Variants in FLT4 observed in about 807,000 individuals in gnomAD.
FLT4 encodes vascular endothelial growth factor receptor 3.
Under a neutral mutation model 163.2 loss-of-function variants are expected in FLT4, and 30 were observed. The observed-to-expected ratio is 0.18, with a 90% confidence interval of 0.14 to 0.25. FLT4 has a LOEUF of 0.25. Ranked by LOEUF, FLT4 falls within the 10% of genes least tolerant of loss-of-function variation. The pLI, the probability that FLT4 is intolerant of heterozygous loss-of-function variation, is 1.00. For synonymous variants in FLT4, 884 were observed against 789.5 expected, an observed-to-expected ratio of 1.12 and a Z score of -2.01; for missense variants, 1,510 against 1,863.8, an observed-to-expected ratio of 0.81 and a Z score of 3.50.
At position 180,630,681 on chromosome 5, in the gene FLT4, A is replaced by G. The variant is rs759909949; in HGVS notation, c.274T>C (p.Tyr92His). 4.3e-6 allele frequency: 7 copies of G among 1,613,058 alleles called. No homozygotes were observed. The highest frequency in any genetic ancestry group is 5.9e-6 in the Non-Finnish European group (7 of 1,179,986). ...RDCEGTDARPYCKVLLLHEVH... is the reference protein window; with the variant it reads ...RDCEGTDARPHCKVLLLHEVH... The stretch of plus-strand genomic sequence containing the variant: ...TCGTGCAGCAGCAACACCTTGCAGT[A>G]GGGCCTGGCGTCTGTGCCCTCGCAG... The change falls in exon 3 of 30, where the codon TAC (tyrosine) becomes CAC (histidine). Residue 92 changes from tyrosine (Y) to histidine (H), a missense_variant. Physicochemically the swap from Tyr to His is moderately conservative, Grantham distance 83. This residue lies in a region of FLT4 where 157 missense variants were observed against 178.7 expected (regional missense o/e 0.88). Transcript: ENST00000261937. The surrounding 1 kb of genome is among the most constrained non-coding windows in gnomAD (Gnocchi z 6.3).
rs750478566 is a variant in FLT4, at chr5:180,636,716, G to A, written c.59-4938C>T. Among the ~76,000 whole-genome samples the A allele has an allele frequency of 1.3e-5, 2 of 152,006 alleles. No homozygotes were observed. The highest frequency in any genetic ancestry group is 6.6e-5 in the Admixed American group (1 of 15,262). ...CTGGACCTGGTCATCACCAGAGACC[G>A]CGCCATCCCGGAACACCTGTCTTCT... is the stretch of plus-strand genomic sequence containing the variant. On this transcript the variant is annotated intron_variant, in intron 1 of 29. Transcript: ENST00000261937. This position sits in a 1 kb window ranked among gnomAD's most constrained non-coding sequence, Gnocchi z 4.3.
Position 180,642,818 on chromosome 5 carries a change from T to A in FLT4, c.58+6670A>T, listed in dbSNP as rs949713929. On this transcript the variant is annotated intron_variant, in intron 1 of 29. Transcript: ENST00000261937. ...ACCCACACAGTAATGATAAACAGCA[T>A]CCATACACCGATGGCAAATTCTCCA... Among the ~76,000 whole-genome samples, 6 of 152,144 alleles carry A rather than the reference T, an allele frequency of 3.9e-5. No homozygotes were observed. In the South Asian group the frequency reaches 6.2e-4, roughly 16 times the overall value.
In FLT4 at chr5:180,636,273, G is replaced by C. The variant is rs571818903; in HGVS notation, c.59-4495C>G. ...ACCAACCTTCCACTGTGCCCTGTGT[G>C]ATCGGCAAACTTTGCTGTAGACCTC... On this transcript the variant is annotated intron_variant, in intron 1 of 29. Transcript: ENST00000261937. This position sits in a 1 kb window ranked among gnomAD's most constrained non-coding sequence, Gnocchi z 4.3. 8.1e-4 allele frequency among the ~76,000 whole-genome samples: 124 copies of C among 152,178 alleles called. No individual in the cohort carries two copies. Among genetic ancestry groups the C allele is most frequent in the African/African-American group, 2.8e-3 (118 of 41,508 alleles).
intron 1 of FLT4, among the ~76,000 whole-genome samples, chr5:180,642,311 G>A (rs1765191396): frequency 6.6e-6 from 1 of 152,016 alleles, no homozygotes; most frequent in Non-Finnish European, 1.5e-5. Context: ...CTGTATCACT[G>A]TGACCCTGTG....
intron 1 of FLT4, among the ~76,000 whole-genome samples, chr5:180,645,250 G>A (rs895649550): frequency 2.6e-5 from 4 of 152,266 alleles, no homozygotes; most frequent in Non-Finnish European, 5.9e-5. Flanking sequence ...TGGACCTGCG[G>A]GGAGCGTGGG....
intron 10 of FLT4, 83 bp downstream of exon 10, chr5:180,625,779 GGCAGTGA>G: frequency 8.3e-7 from 1 of 1,208,182 alleles, no homozygotes. Context: ...GGAAGACCTG[GGCAGTGA>G]GGGGTGCTGT....
At chr5:180,642,172 A>T (rs1195452706) in intron 1 of FLT4, among the ~76,000 whole-genome samples, 1 of 149,412 alleles carries the variant, frequency 6.7e-6, no homozygotes, top group African/African-American at 2.5e-5. Context: ...GCGCCACTGC[A>T]CTCCAGCTTG....
In FLT4 at chr5:180,602,048, G is replaced by C. The variant is rs115707970; in HGVS notation, c.*1144C>G. 3,475 of 233,406 alleles carry C rather than the reference G, an allele frequency of 0.015. 122 individuals are homozygous for C. Among genetic ancestry groups the C allele is most frequent in the African/African-American group, 0.07 (3,161 of 45,452 alleles). The allele number at this position is 233,406 out of a possible 1,614,324, so 14.5% of individuals were successfully genotyped here. A position where few individuals can be genotyped will look rare whatever the true frequency, so the allele number is the denominator to read the frequency against. The stretch of plus-strand genomic sequence containing the variant: ...CCTCCAGCCTTCAGGGGATCTCTCG[G>C]CTGCTCCTCTGGGAGGGCGGCATTC... On this transcript the variant is annotated 3_prime_UTR_variant, in exon 30 of 30. Coordinates refer to ENST00000261937, the MANE Select transcript of FLT4 (RefSeq NM_182925.5).
Position 180,629,693 on chromosome 5 carries a change from C to T in FLT4, c.816+3G>A, listed in dbSNP as rs1261493611. On this transcript the variant is annotated splice_donor_region_variant and intron_variant, in intron 6 of 29. Transcript: ENST00000261937. ...GACAGCCTGGCAGCGCTGCTGACCTCACCTGCTTCCCTGGGTAGTCCCAGT... is the reference window on the plus strand; with the variant it reads ...GACAGCCTGGCAGCGCTGCTGACCTTACCTGCTTCCCTGGGTAGTCCCAGT... The T allele has an allele frequency of 1.2e-6, 2 of 1,610,710 alleles. No homozygotes were observed. Among genetic ancestry groups the T allele is most frequent in the South Asian group, 2.2e-5 (2 of 90,530 alleles).
In FLT4 at chr5:180,613,887, C is replaced by T. The variant is rs574807005; in HGVS notation, c.3331+181G>A. The T allele has an allele frequency of 8.1e-4, 548 of 673,456 alleles. 2 individuals are homozygous for T. In the African/African-American group the frequency reaches 8.5e-3, roughly 10 times the overall value. 41.7% of individuals were successfully genotyped at this position (673,456 alleles called of 1,614,324 possible). On this transcript the variant is annotated intron_variant, in intron 24 of 29. Transcript: ENST00000261937. ...GCCCACGTTGGAGGCAAAGTCCTCT[C>T]GGAGGCTGGGCCAGGCTGGGGAGAG...
chr5:180,637,314 C>T (rs1409529293), intron 1 of FLT4, among the ~76,000 whole-genome samples: 1 of 143,388 alleles, frequency 7.0e-6, no homozygotes, highest in African/African-American at 2.6e-5. Context: ...TGGGACAGAG[C>T]GAGACTCCGT....
intron 27 of FLT4, 55 bp from the exon 28 acceptor site, chr5:180,610,080 A>G (rs992445647): frequency 1.9e-6 from 3 of 1,611,100 alleles, no homozygotes; most frequent in Middle Eastern, 1.7e-4. Context: ...CCCTCCTCGA[A>G]CTTCTCTCCA....
chr5:180,643,613 G>A (rs1299556975), intron 1 of FLT4, among the ~76,000 whole-genome samples: 2 of 152,066 alleles, frequency 1.3e-5, no homozygotes, highest in Non-Finnish European at 1.5e-5. Flanking sequence ...GCTGCTTATG[G>A]ACAGAATCTG....
chr5:180,608,863 G>A (rs1761957393), intron 29 of FLT4, 105 bp downstream of exon 29: 20 of 1,016,672 alleles, frequency 2.0e-5, no homozygotes, highest in Non-Finnish European at 2.8e-5. Context: ...AGGGAGCCAC[G>A]AAAGGTTCCG....
chr5:180,616,052 C>CGCT (rs1172900182), intron 23 of FLT4, among the ~76,000 whole-genome samples: 4 of 4,830 alleles, frequency 8.3e-4, no homozygotes, highest in East Asian at 2.8e-3. Context: ...CTGGGCCTGC[C>CGCT]GGTCACCTCC....
Position 180,620,489 on chromosome 5 carries a change from C to G in FLT4, c.2406+120G>C. ...GAGCCCAGCGTGAAGGGCAGGGAGG[C>G]TTCCCAGGAAACAAGGCTGCCAGGT... On this transcript the variant is annotated intron_variant, in intron 16 of 29. Transcript: ENST00000261937. This position sits in a 1 kb window ranked among gnomAD's most constrained non-coding sequence, Gnocchi z 4.4. 1.7e-6 allele frequency: 2 copies of G among 1,186,378 alleles called. No individual in the cohort carries two copies. The highest frequency in any genetic ancestry group is 2.5e-5 in the South Asian group (2 of 79,468). 73.5% of individuals were successfully genotyped at this position (1,186,378 alleles called of 1,614,324 possible). A position where few individuals can be genotyped will look rare whatever the true frequency, so the allele number is the denominator to read the frequency against.
rs201376114 is a variant in FLT4, at chr5:180,639,189, GGACAGACA to G, written c.59-7419_59-7412del. Among the ~76,000 whole-genome samples the G allele has an allele frequency of 2.1e-5, 2 of 93,892 alleles. 1 individual carries two copies. Among genetic ancestry groups the G allele is most frequent in the South Asian group, 1.3e-3 (2 of 1,580 alleles). The allele number at this position is 93,892 out of a possible 152,430, so 61.6% of individuals were successfully genotyped here. A position where few individuals can be genotyped will look rare whatever the true frequency, so the allele number is the denominator to read the frequency against. ...TAGAAGGATGGATGGGTGGATGGAT[GGACAGACA>G]GATGAATGGATGGATGGACAGGTAG... On this transcript the variant is annotated intron_variant, in intron 1 of 29. Coordinates refer to ENST00000261937, the MANE Select transcript of FLT4 (RefSeq NM_182925.5).
intron 23 of FLT4, among the ~76,000 whole-genome samples, chr5:180,614,730 C>A (rs1043630694): frequency 2.0e-5 from 3 of 152,124 alleles, no homozygotes; most frequent in Admixed American, 6.5e-5. Flanking sequence ...CCAGCACCCC[C>A]ACTCCCCTCT....
chr5:180,622,686 C>T lies in FLT4; in HGVS notation c.1657+45G>A, dbSNP rs755157475. 4 of 1,260,316 alleles carry T rather than the reference C, an allele frequency of 3.2e-6. No individual in the cohort carries two copies. The South Asian group carries it at 4.8e-5, about 15-fold the overall frequency. The allele number at this position is 1,260,316 out of a possible 1,614,324, so 78.1% of individuals were successfully genotyped here. ...CTCAATGAGCCCAAACCTGCCCCCT[C>T]CTGACCCTGTACCCAGGCCTCCCCG... On this transcript the variant is annotated intron_variant, in intron 12 of 29. Coordinates refer to ENST00000261937, the MANE Select transcript of FLT4 (RefSeq NM_182925.5).
Sources: gnomAD v4.1 joint callset for allele counts (sites outside exome capture counted in the v4.1 genomes callset) on GRCh38, gnomAD v4.1.1 for gene constraint, gnomAD v4.1.1 regional missense constraint, Gnocchi (gnomAD v3.1) non-coding constraint, MANE v1.5 for transcripts, NCBI Gene and HGNC (gene_info 2026-07-23, HGNC 2026-07-21) for gene names.